ZBTB40: variants seen among roughly 807,000 people sequenced by gnomAD.
The protein encoded by ZBTB40 is zinc finger and BTB domain containing 40, also known as zinc finger and BTB domain-containing protein 40.
A neutral mutation model predicts 117.5 loss-of-function variants in ZBTB40; 60 were observed. That is an observed-to-expected ratio of 0.51 (90% confidence interval 0.41 to 0.63). The LOEUF (loss-of-function observed/expected upper bound fraction) is 0.63, where lower values mean the gene tolerates loss of function less well. Among genes scored for constraint, ZBTB40 ranks in the 30% least tolerant of loss-of-function variants. ZBTB40 has a pLI of 0.00. For missense variants in ZBTB40, 1,287 were observed against 1,498.5 expected, an observed-to-expected ratio of 0.86 and a Z score of 2.33; for synonymous variants, 525 against 577.1, an observed-to-expected ratio of 0.91 and a Z score of 1.29.
At chr1:22,453,955 T>A (rs1381955792) in intron 1 of ZBTB40, among the ~76,000 whole-genome samples, 1 of 152,200 alleles carries the variant, frequency 6.6e-6, no homozygotes, top group Non-Finnish European at 1.5e-5. Context: ...TATTTTATTT[T>A]ATTTATTTTT....
chr1:22,506,674 T>G (rs990459495), intron 6 of ZBTB40, among the ~76,000 whole-genome samples: 5 of 152,184 alleles, frequency 3.3e-5, no homozygotes, highest in African/African-American at 4.8e-5. Context: ...TGGTGTCCGT[T>G]CAGCTTGGGG....
chr1:22,524,004 C>G (rs565632739), intron 16 of ZBTB40, among the ~76,000 whole-genome samples: 251 of 152,322 alleles, frequency 1.6e-3, no homozygotes, highest in Middle Eastern at 3.4e-3. Context: ...CCCTCACTTG[C>G]ATGGACCCTT....
rs1639617666 is a variant in ZBTB40 at position 22,524,325 on chromosome 1, C to T, written c.3406C>T (p.Pro1136Ser). 1 of 1,614,210 alleles carries T rather than the reference C, an allele frequency of 6.2e-7. No homozygotes were observed. The highest frequency in any genetic ancestry group is 2.2e-5 in the East Asian group (1 of 44,884). Reference sequence around the variant, plus strand: ...CTTCAAGCAGTCAGAGACCACCTTCCCCTGTGAGCTCTGTGGGGAACTCTT... The same window carrying T: ...CTTCAAGCAGTCAGAGACCACCTTCTCCTGTGAGCTCTGTGGGGAACTCTT... The part of the protein sequence containing the change: ...EHFKQSETTF[P>S]CELCGELFTS... Residue 1136 changes from proline (P) to serine (S), a missense_variant, in exon 17 of 18, where the codon CCC becomes TCC. Pro to Ser is a moderately conservative substitution (Grantham distance 74, BLOSUM62 -1). This residue lies in a region of ZBTB40 where 417 missense variants were observed against 564.1 expected (regional missense o/e 0.74). Transcript: ENST00000375647.
intron 3 of ZBTB40, among the ~76,000 whole-genome samples, chr1:22,495,491 A>G (rs926025639): frequency 2.6e-5 from 4 of 151,774 alleles, no homozygotes; most frequent in Admixed American, 6.6e-5. Context: ...TTTTTGTGCT[A>G]GGTTTTTTTT....
At chr1:22,468,370 A>G (rs1324274174) in intron 1 of ZBTB40, among the ~76,000 whole-genome samples, 1 of 149,990 alleles carries the variant, frequency 6.7e-6, no homozygotes, top group Non-Finnish European at 1.5e-5. Flanking sequence ...TTCTTTAATT[A>G]TTCACCAGGC....
chr1:22,502,913 G>T (rs1243246065), intron 5 of ZBTB40, among the ~76,000 whole-genome samples: 1 of 152,080 alleles, frequency 6.6e-6, no homozygotes, highest in Admixed American at 6.5e-5. Context: ...CAATCAAAAA[G>T]AAAAAATTCA....
intron 12 of ZBTB40, among the ~76,000 whole-genome samples, chr1:22,515,651 C>T (rs545624401): frequency 5.1e-4 from 78 of 152,274 alleles, no homozygotes; most frequent in Admixed American, 2.7e-3. Context: ...AGGACCCTTG[C>T]GATTACATTG....
intron 1 of ZBTB40, among the ~76,000 whole-genome samples, chr1:22,478,246 C>CT (rs928108075): frequency 6.2e-4 from 92 of 149,482 alleles, no homozygotes; most frequent in African/African-American, 2.0e-3. Context: ...CTATAATTTT[C>CT]TTTTTTTTTT....
At position 22,526,639 on chromosome 1, in the gene ZBTB40, C is replaced by A. The variant is rs771509933; in HGVS notation, c.*243C>A. The A allele has an allele frequency of 3.8e-6, 2 of 524,702 alleles. No homozygotes were observed. The highest frequency in any genetic ancestry group is 7.0e-6 in the Non-Finnish European group (2 of 287,458). The allele number at this position is 524,702 out of a possible 1,614,324, so 32.5% of individuals were successfully genotyped here. ...AGACAGGCCTCCCTCCCCACAGGCC[C>A]GCTGCTGCGGCCTCTATGACACTGT... On this transcript the variant is annotated 3_prime_UTR_variant, in exon 18 of 18. Transcript: ENST00000375647.
chr1:22,521,544 T>C lies in ZBTB40; in HGVS notation c.3097T>C (p.Phe1033Leu). The change falls in exon 15 of 18, where the codon TTT (phenylalanine) becomes CTT (leucine). Residue 1033 changes from phenylalanine (F) to leucine (L), a missense_variant. By Grantham distance (22) the Phe-to-Leu change is conservative. Around this residue, in one of 2 missense-constraint regions of ZBTB40, gnomAD observed 417 missense variants for 564.1 expected, o/e 0.74. Coordinates refer to ENST00000375647, the MANE Select transcript of ZBTB40 (RefSeq NM_014870.4). ...CAATCGAACCCACCACCCTGACGTA[T>C]TTGCTGCTCAGAACCACCGATCTTC... ...YHNRTHHPDVFAAQNHRSSKF... is the reference protein window; with the variant it reads ...YHNRTHHPDVLAAQNHRSSKF... The C allele has an allele frequency of 6.2e-7, 1 of 1,614,204 alleles. No individual in the cohort carries two copies. The highest frequency in any genetic ancestry group is 8.5e-7 in the Non-Finnish European group (1 of 1,180,042).
At chr1:22,451,215 C>T (rs1042845414), upstream of ZBTB40, among the ~76,000 whole-genome samples, 2 of 152,334 alleles carry the variant, frequency 1.3e-5, no homozygotes, top group East Asian at 3.9e-4. Flanking sequence ...ACAAAGAGTG[C>T]GGGCTGGGGA....
intron 1 of ZBTB40, among the ~76,000 whole-genome samples, chr1:22,435,755 C>T (rs1301155532): frequency 1.3e-5 from 2 of 152,010 alleles, no homozygotes; most frequent in African/African-American, 4.8e-5. Flanking sequence ...TGAATGATAC[C>T]TTATGAAGAT....
chr1:22,521,518 A>G lies in ZBTB40; in HGVS notation c.3071A>G (p.His1024Arg). 6.2e-7 allele frequency: 1 copy of G among 1,614,192 alleles called. No homozygotes were observed. Among genetic ancestry groups the G allele is most frequent in the Non-Finnish European group, 8.5e-7 (1 of 1,180,046 alleles). ...CAGCAATTGTCTGGTTTGTGGTACC[A>G]CAATCGAACCCACCACCCTGACGTA... is the stretch of plus-strand genomic sequence containing the variant. The part of the protein sequence containing the change: ...AYQQLSGLWY[H>R]NRTHHPDVFA... Residue 1024 changes from histidine to arginine, a missense_variant, in exon 15 of 18, where the codon CAC (histidine) becomes CGC (arginine). This residue lies in a region of ZBTB40 where 417 missense variants were observed against 564.1 expected (regional missense o/e 0.74). Transcript: ENST00000375647.
At chr1:22,444,227 A>G (rs1375726767) in intron 1 of ZBTB40, among the ~76,000 whole-genome samples, 1 of 152,134 alleles carries the variant, frequency 6.6e-6, no homozygotes, top group Non-Finnish European at 1.5e-5. Context: ...AGCCTGGCAA[A>G]CATGCGAAAA....
At chr1:22,504,808 C>A (rs997805864) in intron 5 of ZBTB40, among the ~76,000 whole-genome samples, 1 of 152,214 alleles carries the variant, frequency 6.6e-6, no homozygotes, top group African/African-American at 2.4e-5. Flanking sequence ...GCAATTTGAA[C>A]TAGGTCTGTC....
intron 1 of ZBTB40, among the ~76,000 whole-genome samples, chr1:22,486,761 A>C (rs1296339717): frequency 1.3e-5 from 2 of 151,562 alleles, no homozygotes; most frequent in African/African-American, 4.9e-5. Context: ...TTTGAGACGG[A>C]GTCTCCCTCT....
intron 1 of ZBTB40, among the ~76,000 whole-genome samples, chr1:22,481,787 CAAAAAAAAAAAA>C (rs766474050): frequency 1.1e-3 from 68 of 64,310 alleles, no homozygotes; most frequent in African/African-American, 4.1e-3. Context: ...CTTGTTTTAC[CAAAAAAAAAAAA>C]AAAAAAAAAA....
rs114733190 is a variant in ZBTB40, at chr1:22,440,321, C to T, written c.-70+11307C>T. Among the ~76,000 whole-genome samples, 1,463 of 152,006 alleles carry T rather than the reference C, an allele frequency of 9.6e-3. 18 individuals are homozygous for T. The highest frequency in any genetic ancestry group is 0.033 in the African/African-American group (1,389 of 41,484). On this transcript the variant is annotated intron_variant, in intron 1 of 8. Transcript: ENST00000650433. ...TTTGAATGCCTTTTATTTTTTTCTT[C>T]TTGCCTAATTGCTCTGACTAAAACT...
At chr1:22,521,116 T>TA (rs1307964329) in intron 14 of ZBTB40, among the ~76,000 whole-genome samples, 3 of 152,240 alleles carry the variant, frequency 2.0e-5, no homozygotes, top group Non-Finnish European at 4.4e-5. Context: ...ACACAGGTGT[T>TA]ACAGTTGGAA....
Sources: gnomAD v4.1 joint callset for allele counts (sites outside exome capture counted in the v4.1 genomes callset) on GRCh38, gnomAD v4.1.1 for gene constraint, gnomAD v4.1.1 regional missense constraint, MANE v1.5 for transcripts, NCBI Gene and HGNC (gene_info 2026-07-23, HGNC 2026-07-21) for gene names.